The following RNF121 variants were observed in gnomAD, a reference collection of about 807,000 sequenced individuals.
The protein encoded by RNF121 is E3 ubiquitin ligase RNF121.
In RNF121, 21 loss-of-function variants were observed where a neutral mutation model predicts 46.5. That is an observed-to-expected ratio of 0.45 (90% CI 0.32 to 0.65). The LOEUF is 0.65. RNF121 is among the 30% of genes least tolerant of loss of function. The pLI is 0.04. For missense variants in RNF121, 346 were observed against 416.0 expected (o/e 0.83, Z 1.46); for synonymous variants, 139 against 144.7 (o/e 0.96, Z 0.28).
intron 3 of RNF121, among the ~76,000 whole-genome samples, chr11:71,965,277 C>T (rs1176505469): frequency 7.1e-6 from 1 of 141,048 alleles, no homozygotes; most frequent in Non-Finnish European, 1.5e-5. Context: ...TTTTTTAAGA[C>T]AGGGTCTCTG....
chr11:71,932,548 G>A (rs1187805826), intron 1 of RNF121, among the ~76,000 whole-genome samples: 1 of 152,194 alleles, frequency 6.6e-6, no homozygotes, highest in African/African-American at 2.4e-5. Flanking sequence ...TTGATAAGTG[G>A]CTGTGATTCA....
At chr11:71,990,791 T>C (rs1423245149) in intron 6 of RNF121, 74 bp downstream of exon 6, 33 of 1,571,730 alleles carry the variant, frequency 2.1e-5, no homozygotes, top group African/African-American at 2.7e-5. Context: ...ACTTGTTTAA[T>C]GGAAGAGAAA....
In RNF121 at chr11:71,995,490, A is replaced by C; in HGVS notation, c.802A>C (p.Lys268Gln). Residue 268 changes from lysine to glutamine, a missense_variant, in exon 8 of 9, where the codon AAG becomes CAG. Lys to Gln is a moderately conservative substitution (Grantham distance 53). Transcript: ENST00000361756. Reference protein sequence around the residue: ...FCIRGWCIVGKKQTCPYCKEK... With the variant: ...FCIRGWCIVGQKQTCPYCKEK... ...CATCCGTGGCTGGTGCATCGTGGGAAAGAAGCAAACGTGTCCCTACTGCAA... is the reference window on the plus strand; with the variant it reads ...CATCCGTGGCTGGTGCATCGTGGGACAGAAGCAAACGTGTCCCTACTGCAA... 1 of 1,594,274 alleles carries C rather than the reference A, an allele frequency of 6.3e-7. No individual in the cohort carries two copies. The highest frequency in any genetic ancestry group is 8.6e-7 in the Non-Finnish European group (1 of 1,168,812).
rs1256332001 is a variant in RNF121, at chr11:71,997,301, G to A, written c.*986G>A. 1 of 152,192 alleles carries A rather than the reference G, an allele frequency of 6.6e-6. No homozygotes were observed. The highest frequency in any genetic ancestry group is 1.5e-5 in the Non-Finnish European group (1 of 68,048). The allele number at this position is 152,192 out of a possible 1,614,324, so 9.4% of individuals were successfully genotyped here. A position where few individuals can be genotyped will look rare whatever the true frequency, so the allele number is the denominator to read the frequency against. Reference sequence around the variant, plus strand: ...TGATATGTCCTTGAAGCTGGCAGGGGATTCCCAGTCCAGGGAATATCCCTA... The same window carrying A: ...TGATATGTCCTTGAAGCTGGCAGGGAATTCCCAGTCCAGGGAATATCCCTA... On this transcript the variant is annotated 3_prime_UTR_variant, in exon 9 of 9. Transcript: ENST00000361756.
intron 1 of RNF121, among the ~76,000 whole-genome samples, chr11:71,942,754 A>G (rs1047212931): frequency 6.9e-6 from 1 of 143,890 alleles, no homozygotes; most frequent in Non-Finnish European, 1.5e-5. Context: ...TGTCTCCAAA[A>G]AAAAAATCTA....
chr11:71,930,490 A>G (rs113171794), intron 1 of RNF121, among the ~76,000 whole-genome samples: 3,352 of 152,156 alleles, frequency 0.022, 122 homozygotes, highest in African/African-American at 0.074. Context: ...ACAGGTGATC[A>G]CAGCAGGGGG....
chr11:71,942,783 T>TAGATATATAGATATATAGATATAG (rs200563413), intron 1 of RNF121, among the ~76,000 whole-genome samples: 2 of 17,220 alleles, frequency 1.2e-4, no homozygotes, highest in Non-Finnish European at 3.2e-4. Context: ...TATATATATA[T>TAGATATATAGATATATAGATATAG]ATATATAGAT....
intron 4 of RNF121, among the ~76,000 whole-genome samples, chr11:71,985,659 GGTA>G: frequency 6.6e-6 from 1 of 152,304 alleles, no homozygotes; most frequent in East Asian, 1.9e-4. Flanking sequence ...CAGCAGGGTT[GGTA>G]GTAACCTAGT....
chr11:71,955,151 G>A (rs1482356453), intron 1 of RNF121, among the ~76,000 whole-genome samples: 2 of 152,194 alleles, frequency 1.3e-5, no homozygotes, highest in Non-Finnish European at 2.9e-5. Flanking sequence ...GGTCCTGCAA[G>A]TGCAGGGTAG....
chr11:71,978,139 G>A (rs906883170), intron 3 of RNF121: 3 of 447,590 alleles, frequency 6.7e-6, no homozygotes, highest in African/African-American at 4.1e-5. Flanking sequence ...GGGCTCAAGC[G>A]ATCCATCTGC....
At chr11:71,967,351 T>TTC (rs1565152799) in intron 3 of RNF121, among the ~76,000 whole-genome samples, 1 of 133,830 alleles carries the variant, frequency 7.5e-6, no homozygotes, top group East Asian at 2.1e-4. Flanking sequence ...TTTTTTTTGT[T>TTC]TTTTTTTTTT....
At chr11:71,932,697 C>T (rs1213241472) in intron 1 of RNF121, among the ~76,000 whole-genome samples, 1 of 152,190 alleles carries the variant, frequency 6.6e-6, no homozygotes, top group East Asian at 1.9e-4. Context: ...AAGATTTAAA[C>T]CCATGTTTCC....
At chr11:71,936,090 G>A (rs1276373586) in intron 1 of RNF121, among the ~76,000 whole-genome samples, 1 of 151,850 alleles carries the variant, frequency 6.6e-6, no homozygotes, top group Non-Finnish European at 1.5e-5. Flanking sequence ...TTTGTGATCT[G>A]CCCACCTTGG....
intron 1 of RNF121, among the ~76,000 whole-genome samples, chr11:71,947,297 C>G (rs1314062960): frequency 6.6e-6 from 1 of 152,078 alleles, no homozygotes; most frequent in South Asian, 2.1e-4. Flanking sequence ...CACTTGAGCC[C>G]AGAAGTTTGT....
chr11:71,993,054 T>G (rs1331545581), intron 6 of RNF121, among the ~76,000 whole-genome samples: 2 of 152,224 alleles, frequency 1.3e-5, no homozygotes, highest in African/African-American at 4.8e-5. Context: ...GGGAATATTC[T>G]AATTTTTTCT....
chr11:71,948,488 C>A (rs1473910261), intron 1 of RNF121, among the ~76,000 whole-genome samples: 1 of 122,128 alleles, frequency 8.2e-6, no homozygotes, highest in African/African-American at 3.0e-5. Context: ...GCACTCCAGC[C>A]TGGGCAACAG....
At chr11:71,964,670 G>A (rs953734265) in intron 3 of RNF121, among the ~76,000 whole-genome samples, 1 of 152,098 alleles carries the variant, frequency 6.6e-6, no homozygotes. Flanking sequence ...GTGGAGAGAG[G>A]GTTTTGCCAG....
chr11:71,949,396 C>T (rs1050888341), intron 1 of RNF121, among the ~76,000 whole-genome samples: 2 of 151,946 alleles, frequency 1.3e-5, no homozygotes, highest in African/African-American at 4.8e-5. Flanking sequence ...CCAGCTTGGG[C>T]GACAGAGTGA....
chr11:71,961,518 G>A (rs900243961), intron 3 of RNF121, among the ~76,000 whole-genome samples: 4 of 152,024 alleles, frequency 2.6e-5, no homozygotes, highest in African/African-American at 9.7e-5. Flanking sequence ...AGTCGTGATC[G>A]TGCCATTGCA....
Sources: gnomAD v4.1 joint callset for allele counts (sites outside exome capture counted in the v4.1 genomes callset) on GRCh38, gnomAD v4.1.1 for gene constraint, MANE v1.5 for transcripts, NCBI Gene and HGNC (gene_info 2026-07-23, HGNC 2026-07-21) for gene names.